HIBADH: variants seen among roughly 807,000 people sequenced by gnomAD.
HIBADH encodes the protein 3-hydroxyisobutyrate dehydrogenase.
HIBADH carries 25 observed loss-of-function variants against 36.1 expected under a neutral mutation model. That is an observed-to-expected ratio of 0.69 (90% CI 0.50 to 0.97). HIBADH has a LOEUF of 0.97. HIBADH is among the 50% of genes least tolerant of loss of function. The pLI, the probability that HIBADH is intolerant of heterozygous loss-of-function variation, is 0.00. For missense variants in HIBADH, 421 were observed against 418.0 expected (o/e 1.01, Z -0.06); for synonymous variants, 160 against 149.5 (o/e 1.07, Z -0.51).
chr7:27,629,231 A>G (rs76595683), intron 4 of HIBADH, 140 bp downstream of exon 4: 34,080 of 692,926 alleles, frequency 0.049, 1,480 homozygotes, highest in African/African-American at 0.17. Context: ...TAAATAACGT[A>G]TCAGTTTGGC....
chr7:27,570,273 C>A (rs747343092), intron 4 of HIBADH, among the ~76,000 whole-genome samples: 29 of 152,146 alleles, frequency 1.9e-4, no homozygotes, highest in Non-Finnish European at 4.0e-4. Context: ...TCATCTTAAC[C>A]ACAACTGGAA....
chr7:27,620,139 C>T (rs1785511566), intron 4 of HIBADH, among the ~76,000 whole-genome samples: 1 of 152,030 alleles, frequency 6.6e-6, no homozygotes, highest in East Asian at 1.9e-4. Context: ...GGGCAATATA[C>T]TGAGATTCCA....
At chr7:27,605,518 G>A (rs1191322396) in intron 4 of HIBADH, among the ~76,000 whole-genome samples, 1 of 118,066 alleles carries the variant, frequency 8.5e-6, no homozygotes, top group Admixed American at 9.1e-5. Context: ...ACATGGTGGG[G>A]GGCGGGGATT....
intron 1 of HIBADH, 49 bp from the exon 2 acceptor site, chr7:27,649,682 G>T: frequency 7.0e-7 from 1 of 1,435,316 alleles, no homozygotes; most frequent in Non-Finnish European, 9.3e-7. Context: ...ATTTTTTATT[G>T]TAAACATTCA....
chr7:27,630,136 G>A (rs1428886159), intron 3 of HIBADH, among the ~76,000 whole-genome samples: 2 of 152,176 alleles, frequency 1.3e-5, no homozygotes, highest in Middle Eastern at 3.4e-3. Context: ...TACACTATAA[G>A]GCAGTGTCTA....
intron 4 of HIBADH, among the ~76,000 whole-genome samples, chr7:27,570,611 G>A (rs913348843): frequency 6.7e-6 from 1 of 148,290 alleles, no homozygotes; most frequent in African/African-American, 2.5e-5. Context: ...CGTGATGACG[G>A]TTACACGACT....
At chr7:27,624,957 T>C (rs966989203) in intron 4 of HIBADH, among the ~76,000 whole-genome samples, 4 of 152,192 alleles carry the variant, frequency 2.6e-5, no homozygotes, top group African/African-American at 9.7e-5. Context: ...CCATGGTGTG[T>C]AAGAATGCGA....
chr7:27,597,243 T>C (rs538272553), intron 4 of HIBADH, among the ~76,000 whole-genome samples: 3 of 152,144 alleles, frequency 2.0e-5, no homozygotes, highest in South Asian at 4.1e-4. Context: ...ATATGCACTA[T>C]AAGCACTAAA....
intron 4 of HIBADH, among the ~76,000 whole-genome samples, chr7:27,563,149 G>A (rs983357865): frequency 3.3e-5 from 5 of 152,104 alleles, no homozygotes; most frequent in African/African-American, 1.2e-4. Flanking sequence ...GATGTTATAT[G>A]AACATAATCA....
intron 2 of HIBADH, among the ~76,000 whole-genome samples, chr7:27,641,857 T>C (rs769867733): frequency 6.6e-6 from 1 of 152,166 alleles, no homozygotes; most frequent in Non-Finnish European, 1.5e-5. Flanking sequence ...GAATTTCACA[T>C]TGTCCCACCT....
At chr7:27,529,872 A>T (rs181409123) in intron 7 of HIBADH, among the ~76,000 whole-genome samples, 1 of 152,338 alleles carries the variant, frequency 6.6e-6, no homozygotes, top group East Asian at 1.9e-4. Context: ...AAATTGTCAT[A>T]GCCACCCAAC....
chr7:27,606,590 C>A (rs1463587981), intron 4 of HIBADH, among the ~76,000 whole-genome samples: 3 of 152,202 alleles, frequency 2.0e-5, no homozygotes, highest in African/African-American at 7.2e-5. Flanking sequence ...CATTTAATGG[C>A]TTTGGCCAAG....
chr7:27,611,619 G>A (rs957928646), intron 4 of HIBADH, among the ~76,000 whole-genome samples: 12 of 152,122 alleles, frequency 7.9e-5, no homozygotes, highest in Non-Finnish European at 1.5e-4. Flanking sequence ...CAAGTTAATA[G>A]GGCATCATAC....
At chr7:27,577,097 A>C (rs1195758070) in intron 4 of HIBADH, among the ~76,000 whole-genome samples, 1 of 152,120 alleles carries the variant, frequency 6.6e-6, no homozygotes, top group East Asian at 1.9e-4. Flanking sequence ...AGAGATTTCT[A>C]TAACAATGAC....
chr7:27,562,309 G>C (rs944620905), intron 4 of HIBADH, among the ~76,000 whole-genome samples: 3 of 152,072 alleles, frequency 2.0e-5, no homozygotes, highest in Admixed American at 1.3e-4. Context: ...ATCTTTCATA[G>C]AACAGAAGAC....
Position 27,526,208 on chromosome 7 carries a change from G to C in HIBADH, c.*6C>G, listed in dbSNP as rs1019290219. 6.2e-7 allele frequency: 1 copy of C among 1,600,154 alleles called. No individual in the cohort carries two copies. Among genetic ancestry groups the C allele is most frequent in the East Asian group, 2.3e-5 (1 of 44,104 alleles). Reference sequence around the variant, plus strand: ...TCCCAACAGTGTCCGTGGCCAAAGGGCACACTCAGAAGGTCTCCTCCTCTC... The same window carrying C: ...TCCCAACAGTGTCCGTGGCCAAAGGCCACACTCAGAAGGTCTCCTCCTCTC... On this transcript the variant is annotated 3_prime_UTR_variant, in exon 8 of 8. Transcript: ENST00000265395.
chr7:27,529,169 C>T (rs1783956349), intron 7 of HIBADH, among the ~76,000 whole-genome samples: 2 of 152,078 alleles, frequency 1.3e-5, no homozygotes, highest in South Asian at 4.2e-4. Context: ...CGTGGTCACC[C>T]AAGAGTGCTG....
At chr7:27,613,135 T>C (rs1292903832) in intron 4 of HIBADH, among the ~76,000 whole-genome samples, 991 of 53,390 alleles carry the variant, frequency 0.019, 8 homozygotes, top group Non-Finnish European at 0.025. Flanking sequence ...TATATATATT[T>C]ATATAAATAT....
At chr7:27,541,797 A>T (rs762846763) in intron 5 of HIBADH, 5 of 406,306 alleles carry the variant, frequency 1.2e-5, no homozygotes, top group Middle Eastern at 3.5e-4. Context: ...CAAGAGATCA[A>T]TTTTTACTAT....
Sources: gnomAD v4.1 joint callset for allele counts (sites outside exome capture counted in the v4.1 genomes callset) on GRCh38, gnomAD v4.1.1 for gene constraint, MANE v1.5 for transcripts, NCBI Gene and HGNC (gene_info 2026-07-23, HGNC 2026-07-21) for gene names.